MAP3K21: variants seen among roughly 807,000 people sequenced by gnomAD.
MAP3K21 encodes mitogen-activated protein kinase kinase kinase 21, also known as mitogen-activated protein kinase kinase kinase MLK4.
In MAP3K21, 63 loss-of-function variants were observed where a neutral mutation model predicts 86.1. That is an observed-to-expected ratio of 0.73 (90% CI 0.60 to 0.90). The LOEUF is 0.90. Ranked by LOEUF, MAP3K21 falls within the 40% of genes least tolerant of loss-of-function variation. The pLI, the probability that MAP3K21 is intolerant of heterozygous loss-of-function variation, is 0.00. For synonymous variants in MAP3K21, 558 were observed against 564.8 expected, an observed-to-expected ratio of 0.99 and a Z score of 0.17; for missense variants, 1,220 against 1,367.7, an observed-to-expected ratio of 0.89 and a Z score of 1.70.
chr1:233,382,580 T>C lies in MAP3K21; in HGVS notation c.2980T>C (p.Ser994Pro). 1 of 1,613,998 alleles carries C rather than the reference T, an allele frequency of 6.2e-7. No homozygotes were observed. The highest frequency in any genetic ancestry group is 2.2e-5 in the East Asian group (1 of 44,878). The stretch of plus-strand genomic sequence containing the variant: ...CCTCGCTGCCAAGGAGAGAACTAAA[T>C]CCCATGTGCCTTCATTACTGGATGC... ...QFLAAKERTK[S>P]HVPSLLDADV... Residue 994 changes from serine to proline, a missense_variant, in exon 10 of 10, where the codon TCC becomes CCC. Physicochemically the swap from Ser to Pro is moderately conservative, Grantham distance 74. This residue lies in a region of MAP3K21 where 632 missense variants were observed against 691.3 expected (regional missense o/e 0.91). Coordinates refer to ENST00000366624, the MANE Select transcript of MAP3K21 (RefSeq NM_032435.3).
rs1247153589 is a variant in MAP3K21, at chr1:233,362,074, G to C, written c.1333G>C (p.Glu445Gln). 19 of 1,612,674 alleles carry C rather than the reference G, an allele frequency of 1.2e-5. No homozygotes were observed. Among genetic ancestry groups the C allele is most frequent in the Non-Finnish European group, 1.6e-5 (19 of 1,179,418 alleles). The change falls in exon 5 of 10, where the codon GAG becomes CAG. Residue 445 changes from glutamate (E) to glutamine (Q), a missense_variant. By Grantham distance (29) the Glu-to-Gln change is conservative (BLOSUM62 2). Transcript: ENST00000366624. ...GCAGGAGCTGCGATCCCGGGAAGAGGAGCTGACTCGGGCGGCTCTGCAGCA... is the reference window on the plus strand; with the variant it reads ...GCAGGAGCTGCGATCCCGGGAAGAGCAGCTGACTCGGGCGGCTCTGCAGCA... ...KEKELRSREE[E>Q]LTRAALQQKS...
At position 233,328,307 on chromosome 1, in the gene MAP3K21, C is replaced by T; in HGVS notation, c.279C>T (p.Pro93=). 2 of 1,484,156 alleles carry T rather than the reference C, an allele frequency of 1.3e-6. No individual in the cohort carries two copies. Among genetic ancestry groups the T allele is most frequent in the South Asian group, 1.3e-5 (1 of 78,866 alleles). 91.9% of individuals were successfully genotyped at this position (1,484,156 alleles called of 1,614,324 possible). A position where few individuals can be genotyped will look rare whatever the true frequency, so the allele number is the denominator to read the frequency against. The change falls in exon 1 of 10, where the codon CCC becomes CCT. Residue 93 remains proline, a synonymous_variant. Coordinates refer to ENST00000366624, the MANE Select transcript of MAP3K21 (RefSeq NM_032435.3). The surrounding 1 kb of genome is among the most constrained non-coding windows in gnomAD (Gnocchi z 8.7). ...TGCAGCGGCGCCTCGGCATCTTCCC[C>T]GCCAACTACGTGGCTCCCTGCCGCC... ...GQVQRRLGIF[P]ANYVAPCRPA... is the part of the protein sequence containing the mutation.
rs1243281287 is a variant in MAP3K21 at position 233,335,005 on chromosome 1, C to T, written c.805+6172C>T. 5.4e-5 allele frequency among the ~76,000 whole-genome samples: 8 copies of T among 148,202 alleles called. No individual in the cohort carries two copies. In the Admixed American group the frequency reaches 5.4e-4, roughly 10 times the overall value. ...TACTTTAAGTTCTAGGGTACATGTG[C>T]ACAATGTGCAGGTTTGTTACATTTC... On this transcript the variant is annotated intron_variant, in intron 1 of 9. Coordinates refer to ENST00000366624, the MANE Select transcript of MAP3K21 (RefSeq NM_032435.3).
In MAP3K21 at chr1:233,379,143, T is replaced by G; in HGVS notation, c.2137T>G (p.Ser713Ala). 1 of 1,614,066 alleles carries G rather than the reference T, an allele frequency of 6.2e-7. No homozygotes were observed. Among genetic ancestry groups the G allele is most frequent in the South Asian group, 1.1e-5 (1 of 91,080 alleles). The change falls in exon 9 of 10, where the codon TCC becomes GCC. Residue 713 changes from serine (S) to alanine (A), a missense_variant. Physicochemically the swap from Ser to Ala is moderately conservative, Grantham distance 99. Around this residue, in one of 5 missense-constraint regions of MAP3K21, gnomAD observed 632 missense variants for 691.3 expected, o/e 0.91. Transcript: ENST00000366624. The part of the protein sequence containing the change: ...EMTPTNSLSR[S>A]PQRKKTESAL... The stretch of plus-strand genomic sequence containing the variant: ...GACTCCTACGAATAGTCTGAGTAGA[T>G]CCCCCCAGAGAAAGAAAACGGAGTC...
At chr1:233,358,731 G>C (rs1339914892) in intron 4 of MAP3K21, among the ~76,000 whole-genome samples, 1 of 151,870 alleles carries the variant, frequency 6.6e-6, no homozygotes, top group African/African-American at 2.4e-5. Context: ...GTAAGTTGAG[G>C]CTGCAGTGAG....
rs1388156656 is a variant in MAP3K21 at position 233,383,664 on chromosome 1, T to C, written c.*953T>C. 1 of 152,302 alleles carries C rather than the reference T, an allele frequency of 6.6e-6. No individual in the cohort carries two copies. The highest frequency in any genetic ancestry group is 2.4e-5 in the African/African-American group (1 of 41,566). The allele number at this position is 152,302 out of a possible 1,614,324, so 9.4% of individuals were successfully genotyped here. A position where few individuals can be genotyped will look rare whatever the true frequency, so the allele number is the denominator to read the frequency against. ...ATCATGTACTGTAAACAGTCATGTGTCTTAATTTTATTTTCTCTATTTGAG... is the reference window on the plus strand; with the variant it reads ...ATCATGTACTGTAAACAGTCATGTGCCTTAATTTTATTTTCTCTATTTGAG... On this transcript the variant is annotated 3_prime_UTR_variant, in exon 10 of 10. Transcript: ENST00000366624.
chr1:233,344,123 A>G (rs1442216186), intron 1 of MAP3K21, among the ~76,000 whole-genome samples: 2 of 152,222 alleles, frequency 1.3e-5, no homozygotes, highest in African/African-American at 4.8e-5. Flanking sequence ...CATGGATACG[A>G]AGAGTCAAAA....
intron 2 of MAP3K21, among the ~76,000 whole-genome samples, chr1:233,349,907 A>G (rs1182924310): frequency 6.6e-6 from 1 of 151,988 alleles, no homozygotes; most frequent in Non-Finnish European, 1.5e-5. Context: ...ACTGCACTCC[A>G]GCCTGATGAC....
At chr1:233,369,985 GC>G (rs1467291084) in intron 5 of MAP3K21, among the ~76,000 whole-genome samples, 4 of 152,120 alleles carry the variant, frequency 2.6e-5, no homozygotes, top group Non-Finnish European at 4.4e-5. Context: ...ATCATGAGAG[GC>G]CTTTGAAGGA....
intron 3 of MAP3K21, 78 bp from the exon 4 acceptor site, chr1:233,354,758 C>T: frequency 2.2e-6 from 2 of 910,888 alleles, no homozygotes; most frequent in East Asian, 3.1e-5. Context: ...AGTTGAAATA[C>T]ACTTCAGTGT....
At chr1:233,379,915 G>A (rs1663882209) in intron 9 of MAP3K21, among the ~76,000 whole-genome samples, 2 of 152,148 alleles carry the variant, frequency 1.3e-5, no homozygotes, top group African/African-American at 4.8e-5. Flanking sequence ...TTGAATTTCA[G>A]TAACTGAAAC....
chr1:233,357,412 A>G (rs564757795), intron 4 of MAP3K21, among the ~76,000 whole-genome samples: 1 of 152,034 alleles, frequency 6.6e-6, no homozygotes, highest in East Asian at 1.9e-4. Context: ...ATTAAAAAAA[A>G]AAGAAAAAAT....
At position 233,328,708 on chromosome 1, in the gene MAP3K21, G is replaced by A. The variant is rs781290149; in HGVS notation, c.680G>A (p.Arg227His). 7.5e-7 allele frequency: 1 copy of A among 1,341,922 alleles called. No homozygotes were observed. Among genetic ancestry groups the A allele is most frequent in the Non-Finnish European group, 9.6e-7 (1 of 1,036,544 alleles). The allele number at this position is 1,341,922 out of a possible 1,614,324, so 83.1% of individuals were successfully genotyped here. ...AAPDPRAPGPRRARRIPPHVL... is the reference protein window; with the variant it reads ...AAPDPRAPGPHRARRIPPHVL... ...CCGGACCCGCGCGCGCCCGGCCCCC[G>A]CCGCGCGCGCCGCATCCCTCCGCAC... The change falls in exon 1 of 10, where the codon CGC becomes CAC. Residue 227 changes from arginine (R) to histidine (H), a missense_variant. Physicochemically the swap from Arg to His is conservative, Grantham distance 29. Transcript: ENST00000366624. The surrounding 1 kb of genome is among the most constrained non-coding windows in gnomAD (Gnocchi z 8.7).
chr1:233,337,260 A>G (rs927895300), intron 1 of MAP3K21, among the ~76,000 whole-genome samples: 1 of 152,236 alleles, frequency 6.6e-6, no homozygotes, highest in African/African-American at 2.4e-5. Flanking sequence ...GCAGTGTTCC[A>G]ATAAAACTTT....
intron 1 of MAP3K21, among the ~76,000 whole-genome samples, chr1:233,330,680 A>AATC (rs1662794167): frequency 6.6e-6 from 1 of 152,230 alleles, no homozygotes; most frequent in Non-Finnish European, 1.5e-5. Flanking sequence ...AATGTATCCA[A>AATC]ATCATCAACA....
At chr1:233,346,274 A>G (rs1445488480) in intron 1 of MAP3K21, among the ~76,000 whole-genome samples, 168 bp from the exon 2 acceptor site, 1 of 152,352 alleles carries the variant, frequency 6.6e-6, no homozygotes. Flanking sequence ...GGCACAGATA[A>G]CCCACTAAAG....
In MAP3K21 at chr1:233,339,290, T is replaced by C. The variant is rs1204268269; in HGVS notation, c.806-7152T>C. ...TTCCTCTTCTTCTTCTTCTTCTTCT[T>C]CCTCTTCTTCTTCCTCTTCTTCTTC... On this transcript the variant is annotated intron_variant, in intron 1 of 9. Coordinates refer to ENST00000366624, the MANE Select transcript of MAP3K21 (RefSeq NM_032435.3). Among the ~76,000 whole-genome samples the C allele has an allele frequency of 8.4e-5, 9 of 106,998 alleles. 1 individual carries two copies. Among genetic ancestry groups the C allele is most frequent in the Non-Finnish European group, 1.5e-4 (7 of 46,282 alleles). The allele number at this position is 106,998 out of a possible 152,430, so 70.2% of individuals were successfully genotyped here.
At chr1:233,330,340 C>G (rs1257177748) in intron 1 of MAP3K21, among the ~76,000 whole-genome samples, 2 of 152,156 alleles carry the variant, frequency 1.3e-5, no homozygotes, top group Admixed American at 1.3e-4. Context: ...AGTACTTTGA[C>G]AGACCACATG....
intron 5 of MAP3K21, among the ~76,000 whole-genome samples, chr1:233,364,628 G>A (rs917743100): frequency 6.6e-6 from 1 of 152,146 alleles, no homozygotes; most frequent in African/African-American, 2.4e-5. Context: ...CTAATACCCT[G>A]AGTTTATTCA....
Sources: allele counts gnomAD v4.1 joint callset (sites outside exome capture counted in the v4.1 genomes callset), GRCh38; gene constraint gnomAD v4.1.1; regional missense constraint gnomAD v4.1.1; non-coding constraint Gnocchi (gnomAD v3.1); transcripts MANE v1.5; gene names NCBI Gene and HGNC (gene_info 2026-07-23, HGNC 2026-07-21).